THRB: variants seen among roughly 807,000 people sequenced by gnomAD.
THRB encodes the protein nuclear receptor subfamily 1 group A member 2.
THRB carries 12 observed loss-of-function variants against 47.8 expected under a neutral mutation model. The observed-to-expected ratio is 0.25, with a 90% CI of 0.16 to 0.41. The LOEUF (loss-of-function observed/expected upper bound fraction) is 0.41. Among genes scored for constraint, THRB ranks in the 10% least tolerant of loss-of-function variants. The pLI, the probability that THRB is intolerant of heterozygous loss-of-function variation, is 1.00. For synonymous variants in THRB, 218 were observed against 212.2 expected, an observed-to-expected ratio of 1.03 and a Z score of -0.24; for missense variants, 348 against 589.2, an observed-to-expected ratio of 0.59 and a Z score of 4.24.
chr3:24,457,575 T>G (rs990432502), intron 1 of THRB, among the ~76,000 whole-genome samples: 1 of 152,174 alleles, frequency 6.6e-6, no homozygotes, highest in Non-Finnish European at 1.5e-5. Flanking sequence ...GGCAACAAAC[T>G]AGTGACATGC....
Position 24,184,977 on chromosome 3 carries a change from C to A in THRB, c.283+5097G>T, listed in dbSNP as rs141401060. Among the ~76,000 whole-genome samples the A allele has an allele frequency of 2.6e-5, 4 of 152,320 alleles. No individual in the cohort carries two copies. In the East Asian group the frequency reaches 7.7e-4, roughly 29 times the overall value. On this transcript the variant is annotated intron_variant, in intron 5 of 10. Transcript: ENST00000646209. ...GGATTATAATGCACACAATGACTTG[C>A]ATTTATGTCTCCAACTTTTAAGACA...
At chr3:24,306,647 T>C (rs1310900863) in intron 2 of THRB, among the ~76,000 whole-genome samples, 4 of 152,030 alleles carry the variant, frequency 2.6e-5, no homozygotes, top group Non-Finnish European at 5.9e-5. Flanking sequence ...TTCTAAGGCA[T>C]AGCATACTTT....
At chr3:24,304,813 A>G (rs2057225360) in intron 2 of THRB, among the ~76,000 whole-genome samples, 1 of 152,212 alleles carries the variant, frequency 6.6e-6, no homozygotes, top group South Asian at 2.1e-4. Flanking sequence ...AGGATTGAGC[A>G]AATAGAGAAA....
intron 1 of THRB, among the ~76,000 whole-genome samples, chr3:24,443,091 A>C (rs754225789): frequency 7.9e-5 from 12 of 152,046 alleles, no homozygotes; most frequent in African/African-American, 1.4e-4. Flanking sequence ...CTGAGGCAGG[A>C]GAATTGCTTG....
intron 1 of THRB, among the ~76,000 whole-genome samples, chr3:24,487,579 T>G (rs1040601881): frequency 6.6e-6 from 1 of 152,116 alleles, no homozygotes; most frequent in Admixed American, 6.5e-5. Flanking sequence ...TCTGTCAACA[T>G]ATTCAGGAGC....
intron 4 of THRB, among the ~76,000 whole-genome samples, chr3:24,194,570 C>G (rs1043485026): frequency 4.6e-5 from 7 of 152,168 alleles, no homozygotes; most frequent in Non-Finnish European, 7.3e-5. Context: ...ACTGCATTGG[C>G]TTGTGTGTCT....
At chr3:24,296,659 G>A (rs1312165510) in intron 3 of THRB, among the ~76,000 whole-genome samples, 1 of 152,222 alleles carries the variant, frequency 6.6e-6, no homozygotes, top group Non-Finnish European at 1.5e-5. Flanking sequence ...AACAGAGCAA[G>A]CCCTGTCCTC....
intron 1 of THRB, among the ~76,000 whole-genome samples, chr3:24,392,404 T>A (rs1285702352): frequency 6.6e-6 from 1 of 152,176 alleles, no homozygotes; most frequent in Non-Finnish European, 1.5e-5. Context: ...CTCTTCTACC[T>A]ATTTAAAAAT....
intron 1 of THRB, among the ~76,000 whole-genome samples, chr3:24,457,239 G>A (rs980316595): frequency 1.3e-5 from 2 of 152,100 alleles, no homozygotes; most frequent in African/African-American, 2.4e-5. Flanking sequence ...GTCCTGTTTA[G>A]GCAAGCTATA....
At chr3:24,130,637 T>A (rs959987998) in intron 9 of THRB, among the ~76,000 whole-genome samples, 6 of 151,984 alleles carry the variant, frequency 3.9e-5, no homozygotes, top group African/African-American at 1.5e-4. Context: ...AAGAGAACGA[T>A]GACAGCCAGA....
intron 4 of THRB, among the ~76,000 whole-genome samples, chr3:24,221,490 T>C (rs1302678375): frequency 6.6e-6 from 1 of 152,026 alleles, no homozygotes; most frequent in African/African-American, 2.4e-5. Flanking sequence ...AGAGTGGTGA[T>C]GGTGGGGATA....
At chr3:24,389,499 G>GAATT (rs1305818956) in intron 1 of THRB, among the ~76,000 whole-genome samples, 2 of 152,182 alleles carry the variant, frequency 1.3e-5, no homozygotes, top group Non-Finnish European at 2.9e-5. Flanking sequence ...AAGGTTGTCA[G>GAATT]AATTTCATTT....
At chr3:24,399,708 CTA>C (rs1560102527) in intron 1 of THRB, among the ~76,000 whole-genome samples, 1 of 152,088 alleles carries the variant, frequency 6.6e-6, no homozygotes, top group Non-Finnish European at 1.5e-5. Context: ...TAAGAATGAC[CTA>C]TGTCACTTTC....
At chr3:24,323,230 T>G (rs888689679) in intron 2 of THRB, among the ~76,000 whole-genome samples, 4 of 151,908 alleles carry the variant, frequency 2.6e-5, no homozygotes, top group East Asian at 1.9e-4. Flanking sequence ...GTTTTTGGTT[T>G]TTTTTTTTTT....
Position 24,417,621 on chromosome 3 carries a change from T to G in THRB, c.-261+77031A>C, listed in dbSNP as rs143069804. 3.8e-3 allele frequency among the ~76,000 whole-genome samples: 577 copies of G among 152,000 alleles called. 3 individuals carry two copies. Among genetic ancestry groups the G allele is most frequent in the African/African-American group, 0.013 (557 of 41,532 alleles). On this transcript the variant is annotated intron_variant, in intron 1 of 10. Transcript: ENST00000646209. ...AAGGCATTCCTCAGGTATAAGCAAC[T>G]GAGCCTTGGTGAACTTCGCACACGC... is the stretch of plus-strand genomic sequence containing the variant.
chr3:24,477,457 T>C (rs1277481654), intron 1 of THRB, among the ~76,000 whole-genome samples: 1 of 152,110 alleles, frequency 6.6e-6, no homozygotes, highest in Admixed American at 6.5e-5. Flanking sequence ...GGGGACCTTG[T>C]TTAAATGCAG....
intron 4 of THRB, among the ~76,000 whole-genome samples, chr3:24,190,820 C>T (rs913574919): frequency 2.0e-5 from 3 of 150,930 alleles, no homozygotes; most frequent in South Asian, 2.1e-4. Flanking sequence ...GACGTGCTCA[C>T]GTGGCCACAC....
chr3:24,209,199 G>A (rs1367987276), intron 4 of THRB, among the ~76,000 whole-genome samples: 2 of 152,210 alleles, frequency 1.3e-5, no homozygotes, highest in Non-Finnish European at 2.9e-5. Flanking sequence ...ATGCTAGAGA[G>A]GATGTGGAGA....
intron 5 of THRB, among the ~76,000 whole-genome samples, chr3:24,174,221 T>C (rs2040836833): frequency 6.6e-6 from 1 of 152,128 alleles, no homozygotes; most frequent in South Asian, 2.1e-4. Context: ...TTGTCTGAAG[T>C]GGCACAATGG....
Sources: allele counts gnomAD v4.1 joint callset (sites outside exome capture counted in the v4.1 genomes callset), GRCh38; gene constraint gnomAD v4.1.1; transcripts MANE v1.5; gene names NCBI Gene and HGNC (gene_info 2026-07-23, HGNC 2026-07-21).